HPSE2: variants seen among roughly 807,000 people sequenced by gnomAD.
The protein encoded by HPSE2 is inactive heparanase-2.
In HPSE2, 38 loss-of-function variants were observed where a neutral mutation model predicts 60.5. The observed-to-expected ratio is 0.63, with a 90% CI of 0.48 to 0.82. HPSE2 has a LOEUF of 0.82. Among genes scored for constraint, HPSE2 ranks in the 40% least tolerant of loss-of-function variants. The probability of loss-of-function intolerance (pLI) is 0.00; values close to 1 mark genes in which losing one functional copy is unlikely to be tolerated. For missense variants in HPSE2, 713 were observed against 740.4 expected (o/e 0.96, Z 0.43); for synonymous variants, 295 against 293.2 (o/e 1.01, Z -0.06).
At chr10:98,915,188 C>T (rs1181367359) in intron 3 of HPSE2, among the ~76,000 whole-genome samples, 1 of 149,008 alleles carries the variant, frequency 6.7e-6, no homozygotes, top group Non-Finnish European at 1.5e-5. Flanking sequence ...CACACTGTTG[C>T]CCAAACTGGA....
chr10:99,200,328 T>G (rs1432000969), intron 2 of HPSE2, among the ~76,000 whole-genome samples: 7 of 152,150 alleles, frequency 4.6e-5, no homozygotes, highest in Admixed American at 4.6e-4. Flanking sequence ...AGTAACTCTT[T>G]GTCCCTATAA....
At chr10:99,279,121 A>G in the HPSE2 span, among the ~76,000 whole-genome samples, 1 of 152,072 alleles carries the variant, frequency 6.6e-6, no homozygotes, top group Non-Finnish European at 1.5e-5. Context: ...AAGAAATATC[A>G]TTTCAGAATT....
chr10:98,788,540 C>T (rs560658268), intron 3 of HPSE2, among the ~76,000 whole-genome samples: 1 of 151,630 alleles, frequency 6.6e-6, no homozygotes, highest in African/African-American at 2.4e-5. Context: ...GCCCCTCCCC[C>T]AGCCTCGTTG....
chr10:98,695,010 C>T (rs1031029870), intron 5 of HPSE2, among the ~76,000 whole-genome samples: 13 of 152,192 alleles, frequency 8.5e-5, no homozygotes, highest in African/African-American at 3.1e-4. Flanking sequence ...TACTTTACCC[C>T]AGCATAATCT....
intron 3 of HPSE2, among the ~76,000 whole-genome samples, chr10:98,837,852 C>A (rs1028124033): frequency 1.3e-5 from 2 of 148,422 alleles, no homozygotes; most frequent in African/African-American, 4.9e-5. Context: ...CCAGCCTGGG[C>A]GACAGAGCGA....
intron 6 of HPSE2, among the ~76,000 whole-genome samples, chr10:98,690,713 C>T (rs570814825): frequency 6.6e-6 from 1 of 151,274 alleles, no homozygotes; most frequent in African/African-American, 2.4e-5. Flanking sequence ...TATCATTGCT[C>T]TCTATATAAG....
At chr10:98,828,448 C>T (rs1951603496) in intron 3 of HPSE2, among the ~76,000 whole-genome samples, 2 of 152,160 alleles carry the variant, frequency 1.3e-5, no homozygotes. Context: ...ATCATCTTGC[C>T]TTCTGTATTA....
At chr10:98,917,157 T>C (rs773055750) in intron 3 of HPSE2, among the ~76,000 whole-genome samples, 2 of 152,136 alleles carry the variant, frequency 1.3e-5, no homozygotes, top group Non-Finnish European at 2.9e-5. Context: ...TCAACTTACA[T>C]GCAGACCACC....
chr10:98,750,963 G>C (rs1175855909), intron 3 of HPSE2, among the ~76,000 whole-genome samples: 5 of 152,140 alleles, frequency 3.3e-5, no homozygotes, highest in Non-Finnish European at 7.4e-5. Flanking sequence ...GACAGGAGCT[G>C]TCATAGGGAT....
chr10:98,912,700 T>TTGGATC (rs1180014523), intron 3 of HPSE2, among the ~76,000 whole-genome samples: 1 of 152,110 alleles, frequency 6.6e-6, no homozygotes, highest in Non-Finnish European at 1.5e-5. Flanking sequence ...ACATCACATG[T>TTGGATC]CCTCACTTAT....
At chr10:98,679,039 G>A (rs1947717661) in intron 6 of HPSE2, among the ~76,000 whole-genome samples, 2 of 152,184 alleles carry the variant, frequency 1.3e-5, no homozygotes, top group Non-Finnish European at 2.9e-5. Flanking sequence ...AGAAGGAAGA[G>A]TGGTAACTAT....
intron 3 of HPSE2, among the ~76,000 whole-genome samples, chr10:98,871,481 T>C (rs1348815040): frequency 6.6e-6 from 1 of 152,056 alleles, no homozygotes; most frequent in Non-Finnish European, 1.5e-5. Flanking sequence ...ATTAGGCATG[T>C]TAGGAATAAT....
rs546701772 is a variant in HPSE2, at chr10:98,968,491, G to A, written c.610+175747C>T. 2.9e-4 allele frequency among the ~76,000 whole-genome samples: 44 copies of A among 152,216 alleles called. No homozygotes were observed. In the East Asian group the frequency reaches 4.4e-3, roughly 15 times the overall value. On this transcript the variant is annotated intron_variant, in intron 3 of 11. Transcript: ENST00000370552. ...GAACTACCATTTGACCCAGCAATCCGACTACTGGGTATTTACGCAAAGAAA... is the reference window on the plus strand; with the variant it reads ...GAACTACCATTTGACCCAGCAATCCAACTACTGGGTATTTACGCAAAGAAA...
In HPSE2 at chr10:99,177,985, T is replaced by C. The variant is rs184598441; in HGVS notation, c.449-33586A>G. Among the ~76,000 whole-genome samples, 447 of 152,042 alleles carry C rather than the reference T, an allele frequency of 2.9e-3. 10 individuals are homozygous for C. Among genetic ancestry groups the C allele is most frequent in the Admixed American group, 0.026 (392 of 15,272 alleles). The stretch of plus-strand genomic sequence containing the variant: ...AAGAACTCACTGAAAACCATACAAC[T>C]ACATGGAAAATGAACAACCTGCTCC... On this transcript the variant is annotated intron_variant, in intron 2 of 11. Coordinates refer to ENST00000370552, the MANE Select transcript of HPSE2 (RefSeq NM_021828.5).
At chr10:98,490,030 G>A in intron 10 of HPSE2, 21 bp downstream of exon 10, 1 of 1,613,928 alleles carries the variant, frequency 6.2e-7, no homozygotes. Context: ...TGGCCTTTCT[G>A]CCATCTTTCT....
chr10:98,827,759 T>C (rs146891031), intron 3 of HPSE2, among the ~76,000 whole-genome samples: 21 of 152,322 alleles, frequency 1.4e-4, no homozygotes, highest in African/African-American at 5.1e-4. Flanking sequence ...AGCCAGGTGG[T>C]GTCACCAAGG....
chr10:98,510,489 G>A (rs182106005), intron 9 of HPSE2, among the ~76,000 whole-genome samples: 1 of 152,284 alleles, frequency 6.6e-6, no homozygotes, highest in Admixed American at 6.5e-5. Context: ...TGCACTGCTA[G>A]GCCAGAAAGG....
At chr10:98,531,002 C>T (rs1943114435) in intron 9 of HPSE2, among the ~76,000 whole-genome samples, 1 of 152,146 alleles carries the variant, frequency 6.6e-6, no homozygotes, top group Non-Finnish European at 1.5e-5. Context: ...TTCTTCTTCC[C>T]TTTCTTCCCT....
intron 3 of HPSE2, among the ~76,000 whole-genome samples, chr10:98,794,024 AT>A (rs1304112824): frequency 6.6e-6 from 1 of 152,204 alleles, no homozygotes; most frequent in Non-Finnish European, 1.5e-5. Context: ...ACTCCTAAAT[AT>A]TTTAGTGTAT....
Sources: gnomAD v4.1 joint callset for allele counts (sites outside exome capture counted in the v4.1 genomes callset) on GRCh38, gnomAD v4.1.1 for gene constraint, MANE v1.5 for transcripts, NCBI Gene and HGNC (gene_info 2026-07-23, HGNC 2026-07-21) for gene names.